DYM: variants seen among roughly 807,000 people sequenced by gnomAD.
DYM encodes the protein dyggve-Melchior-Clausen syndrome protein.
Under a neutral mutation model 93.1 loss-of-function variants are expected in DYM, and 78 were observed. The ratio of observed to expected loss-of-function variants is 0.84; its 90% CI spans 0.70 to 1.01. The LOEUF (loss-of-function observed/expected upper bound fraction) is 1.01, where lower values mean the gene tolerates loss of function less well. Among genes scored for constraint, DYM ranks in the 50% least tolerant of loss-of-function variants. The pLI, the probability that DYM is intolerant of heterozygous loss-of-function variation, is 0.00. For missense variants in DYM, 789 were observed against 845.0 expected, an observed-to-expected ratio of 0.93 and a Z score of 0.82; for synonymous variants, 321 against 319.7, an observed-to-expected ratio of 1.00 and a Z score of -0.04.
At chr18:49,380,495 C>T (rs1432666095) in intron 3 of DYM, among the ~76,000 whole-genome samples, 1 of 152,156 alleles carries the variant, frequency 6.6e-6, no homozygotes, top group Non-Finnish European at 1.5e-5. Flanking sequence ...CTCACACCAA[C>T]CCTCCAGGAA....
At chr18:49,377,957 T>G (rs2067669861) in intron 5 of DYM, among the ~76,000 whole-genome samples, 1 of 152,232 alleles carries the variant, frequency 6.6e-6, no homozygotes, top group African/African-American at 2.4e-5. Flanking sequence ...AGATCTATTT[T>G]GAAAACAGAA....
intron 17 of DYM, among the ~76,000 whole-genome samples, chr18:49,089,310 G>A (rs905490852): frequency 6.6e-6 from 1 of 152,192 alleles, no homozygotes; most frequent in African/African-American, 2.4e-5. Context: ...ATGTCAGACT[G>A]AAAAGCATAT....
chr18:49,423,327 A>C (rs2073925214), intron 2 of DYM, among the ~76,000 whole-genome samples: 1 of 152,252 alleles, frequency 6.6e-6, no homozygotes, highest in Non-Finnish European at 1.5e-5. Flanking sequence ...GCAGAAATAA[A>C]GATGTTCTTT....
intron 8 of DYM, among the ~76,000 whole-genome samples, chr18:49,322,995 A>T (rs1336828608): frequency 6.6e-6 from 1 of 152,168 alleles, no homozygotes; most frequent in Non-Finnish European, 1.5e-5. Context: ...CCTAACACAA[A>T]CATCTACAGT....
intron 14 of DYM, among the ~76,000 whole-genome samples, chr18:49,189,128 G>T (rs2090729170): frequency 6.6e-6 from 1 of 152,120 alleles, no homozygotes; most frequent in South Asian, 2.1e-4. Flanking sequence ...ATAAAGATGG[G>T]AATAACAGAA....
At chr18:49,319,144 G>A (rs555616668) in intron 8 of DYM, among the ~76,000 whole-genome samples, 1 of 152,246 alleles carries the variant, frequency 6.6e-6, no homozygotes, top group South Asian at 2.1e-4. Context: ...AAACATTGTT[G>A]CAAAGCTTTA....
In DYM at chr18:49,292,622, A is replaced by AC; in HGVS notation, c.764-6007_764-6006insG. Among the ~76,000 whole-genome samples the AC allele has an allele frequency of 2.3e-5, 2 of 85,386 alleles. 1 individual carries two copies. The highest frequency in any genetic ancestry group is 4.9e-5 in the Non-Finnish European group (2 of 40,546). 56.0% of individuals were successfully genotyped at this position (85,386 alleles called of 152,430 possible). ...AAAAAAAAAAAAAAAAAAAAAAAAA[A>AC]AAACCCCCACAAAAACCTGTCCACC... On this transcript the variant is annotated intron_variant, in intron 8 of 17. Transcript: ENST00000675505.
intron 13 of DYM, among the ~76,000 whole-genome samples, chr18:49,236,166 C>T (rs1048340650): frequency 1.3e-5 from 2 of 152,078 alleles, no homozygotes; most frequent in Admixed American, 1.3e-4. Flanking sequence ...CTGCGAAATG[C>T]CCATTTACAA....
At chr18:49,134,349 G>C (rs2083643591) in intron 15 of DYM, among the ~76,000 whole-genome samples, 1 of 152,096 alleles carries the variant, frequency 6.6e-6, no homozygotes, top group Non-Finnish European at 1.5e-5. Flanking sequence ...GTTTCAAACA[G>C]CATTAAATAT....
chr18:49,252,093 C>T (rs2094300286), intron 13 of DYM, among the ~76,000 whole-genome samples: 1 of 151,416 alleles, frequency 6.6e-6, no homozygotes. Flanking sequence ...ATGCACCTAC[C>T]TGTAATCCCA....
At chr18:49,191,015 TG>T (rs35190720) in intron 14 of DYM, among the ~76,000 whole-genome samples, 1 of 151,362 alleles carries the variant, frequency 6.6e-6, no homozygotes, top group Admixed American at 6.6e-5. Context: ...AGTTAAGTTT[TG>T]GGGAAGTTCA....
intron 2 of DYM, among the ~76,000 whole-genome samples, chr18:49,392,045 TTGCTACAA>T (rs1238366045): frequency 1.3e-5 from 2 of 152,106 alleles, no homozygotes; most frequent in Non-Finnish European, 2.9e-5. Flanking sequence ...AGTGTCATGA[TTGCTACAA>T]TACTTTCAAA....
At chr18:49,138,036 T>C (rs1032142386) in intron 15 of DYM, among the ~76,000 whole-genome samples, 1 of 152,206 alleles carries the variant, frequency 6.6e-6, no homozygotes. Context: ...ATGTGTGTAA[T>C]CTAATTGCCT....
At chr18:49,286,641 G>C in intron 8 of DYM, 25 bp from the exon 9 acceptor site, 1 of 1,609,560 alleles carries the variant, frequency 6.2e-7, no homozygotes, top group Non-Finnish European at 8.5e-7. Context: ...ACCCTGTTAG[G>C]ATGTGCTGCC....
intron 13 of DYM, among the ~76,000 whole-genome samples, chr18:49,230,766 C>T (rs1028921920): frequency 6.6e-6 from 1 of 152,132 alleles, no homozygotes; most frequent in Non-Finnish European, 1.5e-5. Flanking sequence ...AGACATACGC[C>T]TTATAATTAA....
chr18:49,326,183 A>G (rs1599440898), intron 8 of DYM, among the ~76,000 whole-genome samples: 1 of 152,228 alleles, frequency 6.6e-6, no homozygotes, highest in Non-Finnish European at 1.5e-5. Flanking sequence ...CTGGAATTCT[A>G]TGATTCAGTA....
intron 11 of DYM, among the ~76,000 whole-genome samples, chr18:49,268,371 A>T (rs2094606950): frequency 6.6e-6 from 1 of 152,232 alleles, no homozygotes; most frequent in Non-Finnish European, 1.5e-5. Flanking sequence ...TTGAAATGTC[A>T]TCTAAAATAT....
chr18:49,408,025 T>C (rs1168276532), intron 2 of DYM, among the ~76,000 whole-genome samples: 2 of 150,020 alleles, frequency 1.3e-5, no homozygotes, highest in Non-Finnish European at 1.5e-5. Context: ...ATTCCAGGAA[T>C]TTAAGAACAG....
At chr18:49,444,481 C>G (rs2081936172) in intron 1 of DYM, among the ~76,000 whole-genome samples, 1 of 152,158 alleles carries the variant, frequency 6.6e-6, no homozygotes, top group African/African-American at 2.4e-5. Context: ...ACAGTCATTT[C>G]AAGGACAACT....
Sources: gnomAD v4.1 joint callset for allele counts (sites outside exome capture counted in the v4.1 genomes callset) on GRCh38, gnomAD v4.1.1 for gene constraint, MANE v1.5 for transcripts, NCBI Gene and HGNC (gene_info 2026-07-23, HGNC 2026-07-21) for gene names.